The following ZFPM2 variants were observed in gnomAD, a reference collection of about 807,000 sequenced individuals.
ZFPM2 encodes the protein zinc finger protein, FOG family member 2, also known as zinc finger protein ZFPM2.
A neutral mutation model predicts 98.6 loss-of-function variants in ZFPM2; 20 were observed. That is an observed-to-expected ratio of 0.20 (90% CI 0.14 to 0.29). The LOEUF (loss-of-function observed/expected upper bound fraction) is 0.29. Ranked by LOEUF, ZFPM2 falls within the 10% of genes least tolerant of loss-of-function variation. The pLI, the probability that ZFPM2 is intolerant of heterozygous loss-of-function variation, is 1.00. For missense variants in ZFPM2, 1,310 were observed against 1,388.6 expected, an observed-to-expected ratio of 0.94 and a Z score of 0.90; for synonymous variants, 518 against 502.7, an observed-to-expected ratio of 1.03 and a Z score of -0.41.
intron 5 of ZFPM2, among the ~76,000 whole-genome samples, chr8:105,782,819 A>G (rs1380136029): frequency 6.6e-6 from 1 of 152,130 alleles, no homozygotes; most frequent in Non-Finnish European, 1.5e-5. Context: ...TTAATATACC[A>G]TTAATATGGA....
At chr8:105,582,568 T>G (rs1419786576) in intron 4 of ZFPM2, among the ~76,000 whole-genome samples, 1 of 152,086 alleles carries the variant, frequency 6.6e-6, no homozygotes, top group Admixed American at 6.5e-5. Context: ...TGTAACAAAA[T>G]ATAGAGGTGT....
chr8:105,406,942 G>A (rs557535714), intron 1 of ZFPM2, among the ~76,000 whole-genome samples: 1 of 151,986 alleles, frequency 6.6e-6, no homozygotes, highest in East Asian at 1.9e-4. Context: ...TGAGGCTTGA[G>A]CCAAACGTTG....
intron 5 of ZFPM2, among the ~76,000 whole-genome samples, chr8:105,774,144 C>G (rs1210788070): frequency 6.6e-6 from 1 of 152,044 alleles, no homozygotes; most frequent in Non-Finnish European, 1.5e-5. Flanking sequence ...GAAAATTAGA[C>G]CCATTGTTCC....
intron 3 of ZFPM2, among the ~76,000 whole-genome samples, chr8:105,555,570 C>T (rs1230912337): frequency 6.6e-6 from 1 of 152,044 alleles, no homozygotes; most frequent in African/African-American, 2.4e-5. Flanking sequence ...GTGTCACAAA[C>T]TCTATTAATT....
At chr8:105,485,312 TTTG>T (rs1277210350) in intron 3 of ZFPM2, among the ~76,000 whole-genome samples, 2,383 of 150,684 alleles carry the variant, frequency 0.016, 58 homozygotes, top group African/African-American at 0.055. Context: ...TGTTTGTTTG[TTTG>T]TTTTTGATTG....
At position 105,579,939 on chromosome 8, in the gene ZFPM2, C is replaced by T. The variant is rs1815552002; in HGVS notation, c.420+18458C>T. Among the ~76,000 whole-genome samples, 3 of 152,250 alleles carry T rather than the reference C, an allele frequency of 2.0e-5. No individual in the cohort carries two copies. The South Asian group carries it at 6.2e-4, about 32-fold the overall frequency. On this transcript the variant is annotated intron_variant, in intron 4 of 7. Coordinates refer to ENST00000407775, the MANE Select transcript of ZFPM2 (RefSeq NM_012082.4). ...CTTACCATTCCTGCCATTCTGTGAA[C>T]CAAGCCATTGGCTAACCCCTGTAAA...
chr8:105,609,007 A>G (rs77017827), intron 4 of ZFPM2, among the ~76,000 whole-genome samples: 1 of 152,140 alleles, frequency 6.6e-6, no homozygotes, highest in Non-Finnish European at 1.5e-5. Flanking sequence ...AGACACATGG[A>G]ATAAAATGTA....
intron 2 of ZFPM2, among the ~76,000 whole-genome samples, chr8:105,430,089 C>G (rs149716817): frequency 6.6e-6 from 1 of 152,262 alleles, no homozygotes; most frequent in East Asian, 1.9e-4. Context: ...AACACCTGAG[C>G]ACTGGGGCAG....
intron 3 of ZFPM2, among the ~76,000 whole-genome samples, chr8:105,450,096 A>T (rs956919411): frequency 2.0e-5 from 3 of 152,124 alleles, no homozygotes; most frequent in African/African-American, 7.2e-5. Context: ...TACTTGTTGC[A>T]TCTTGACTAA....
At chr8:105,659,588 G>A (rs758004580) in intron 5 of ZFPM2, among the ~76,000 whole-genome samples, 1 of 152,106 alleles carries the variant, frequency 6.6e-6, no homozygotes, top group South Asian at 2.1e-4. Flanking sequence ...TTTACAAAAG[G>A]TTTCTTTTTT....
chr8:105,655,999 A>G (rs1817277563), intron 5 of ZFPM2, among the ~76,000 whole-genome samples: 1 of 151,708 alleles, frequency 6.6e-6, no homozygotes. Flanking sequence ...ACAGCCATTT[A>G]TTGTGGGCCT....
intron 1 of ZFPM2, among the ~76,000 whole-genome samples, chr8:105,358,214 G>T (rs184308217): frequency 1.3e-5 from 2 of 151,828 alleles, no homozygotes; most frequent in Admixed American, 6.6e-5. Flanking sequence ...CATTTATAGG[G>T]TTGGTTTCAG....
In ZFPM2 at chr8:105,534,182, C is replaced by CT. The variant is rs1563704748; in HGVS notation, c.302-27180dup. On this transcript the variant is annotated intron_variant, in intron 3 of 7. Transcript: ENST00000407775. Reference sequence around the variant, plus strand: ...CCTTTCTCTCTTCCTCCCTCCTTCCCTCCTCCCTTCCTCCCTCCCTCCCTT... The same window carrying CT: ...CCTTTCTCTCTTCCTCCCTCCTTCCCTTCCTCCCTTCCTCCCTCCCTCCCTT... 4.9e-4 allele frequency among the ~76,000 whole-genome samples: 31 copies of CT among 63,590 alleles called. 1 individual carries two copies. The highest frequency in any genetic ancestry group is 2.2e-3 in the African/African-American group (29 of 13,450). The allele number at this position is 63,590 out of a possible 152,430, so 41.7% of individuals were successfully genotyped here.
At chr8:105,493,352 C>T (rs79904888) in intron 3 of ZFPM2, among the ~76,000 whole-genome samples, 2,290 of 152,212 alleles carry the variant, frequency 0.015, 56 homozygotes, top group African/African-American at 0.052. Context: ...CATCAGAATC[C>T]TTTTTGGAAA....
intron 3 of ZFPM2, among the ~76,000 whole-genome samples, chr8:105,522,946 C>T (rs1195409276): frequency 6.6e-5 from 10 of 152,218 alleles, no homozygotes; most frequent in African/African-American, 2.4e-4. Context: ...AGCTCAGTGG[C>T]TATCATACAT....
At chr8:105,789,101 ATACTT>A in intron 6 of ZFPM2, 177 bp downstream of exon 6, 1 of 546,836 alleles carries the variant, frequency 1.8e-6, no homozygotes. Context: ...TTTTTTTTTT[ATACTT>A]TAAGTTTTAG....
intron 3 of ZFPM2, among the ~76,000 whole-genome samples, chr8:105,525,255 A>G (rs1237567202): frequency 6.6e-5 from 10 of 152,184 alleles, no homozygotes; most frequent in Non-Finnish European, 1.2e-4. Context: ...TGTTCCGTCA[A>G]TAGTGTATAC....
chr8:105,518,213 C>A (rs546481339), intron 3 of ZFPM2, among the ~76,000 whole-genome samples: 2 of 152,270 alleles, frequency 1.3e-5, no homozygotes, highest in East Asian at 3.9e-4. Flanking sequence ...ATATTTGTCA[C>A]CCTTTCCATC....
At chr8:105,487,888 G>GTCTA (rs1216981829) in intron 3 of ZFPM2, among the ~76,000 whole-genome samples, 12 of 82,906 alleles carry the variant, frequency 1.4e-4, no homozygotes, top group Admixed American at 1.2e-3. Context: ...TATAAAGTCT[G>GTCTA]TCTGTCTATC....
Sources: gnomAD v4.1 joint callset for allele counts (sites outside exome capture counted in the v4.1 genomes callset) on GRCh38, gnomAD v4.1.1 for gene constraint, MANE v1.5 for transcripts, NCBI Gene and HGNC (gene_info 2026-07-23, HGNC 2026-07-21) for gene names.